Variants in PLS3 observed in about 807,000 individuals in gnomAD.
PLS3 encodes the protein plastin 3, also known as plastin-3.
In PLS3, 11 loss-of-function variants were observed where a neutral mutation model predicts 46.5. The ratio of observed to expected loss-of-function variants is 0.24; its 90% CI spans 0.15 to 0.39. PLS3 has a LOEUF of 0.39. Ranked by LOEUF, PLS3 falls within the 10% of genes least tolerant of loss-of-function variation. PLS3 has a pLI of 1.00. For synonymous variants in PLS3, 167 were observed against 162.2 expected, an observed-to-expected ratio of 1.03 and a Z score of -0.22; for missense variants, 308 against 461.8, an observed-to-expected ratio of 0.67 and a Z score of 3.05.
At position 115,626,949 on chromosome X, in the gene PLS3, A is replaced by G. The variant is rs996224126; in HGVS notation, c.238-2249A>G. ...CTGCAACCTCCATCTCCCGGGTTCA[A>G]GTGATTCTCATGCCTCAGCCTCCCA... On this transcript the variant is annotated intron_variant, in intron 3 of 15. Coordinates refer to ENST00000355899, the MANE Select transcript of PLS3 (RefSeq NM_005032.7). Among the ~76,000 whole-genome samples, 4 of 109,265 alleles carry G rather than the reference A, an allele frequency of 3.7e-5. No homozygotes were observed. In the Admixed American group the frequency reaches 4.0e-4, roughly 11 times the overall value. The allele number at this position is 109,265 out of a possible 115,157, so 94.9% of individuals were successfully genotyped here. A position where few individuals can be genotyped will look rare whatever the true frequency, so the allele number is the denominator to read the frequency against.
intron 1 of PLS3, among the ~76,000 whole-genome samples, chrX:115,579,025 C>T (rs1485214389): frequency 9.0e-6 from 1 of 111,249 alleles, no homozygotes; most frequent in African/African-American, 3.3e-5. Flanking sequence ...AGTAGAATCC[C>T]TTTTATTGTC....
chrX:115,616,766 T>C lies in PLS3; in HGVS notation c.74-5480T>C. Among the ~76,000 whole-genome samples the C allele has an allele frequency of 2.7e-5, 3 of 112,258 alleles. No individual in the cohort carries two copies. In the Middle Eastern group the frequency reaches 0.014, roughly 520 times the overall value. ...TGGGAGGTTTTGTAAAATTAATTGC[T>C]AGCTGCATTTTTAGGCTCCCTCTGC... On this transcript the variant is annotated intron_variant, in intron 2 of 15. Coordinates refer to ENST00000355899, the MANE Select transcript of PLS3 (RefSeq NM_005032.7).
At chrX:115,602,652 G>A (rs1350587425) in intron 1 of PLS3, among the ~76,000 whole-genome samples, 1 of 111,403 alleles carries the variant, frequency 9.0e-6, no homozygotes, top group Non-Finnish European at 1.9e-5. Context: ...TGGCTAACTT[G>A]TTTATTTTCA....
chrX:115,627,652 A>G lies in PLS3; in HGVS notation c.238-1546A>G, dbSNP rs185181229. ...CGTAAGCTCCATACTGTTGATACTT[A>G]GTGAAAGTCAGTATAATGGCCATAG... On this transcript the variant is annotated intron_variant, in intron 3 of 15. Coordinates refer to ENST00000355899, the MANE Select transcript of PLS3 (RefSeq NM_005032.7). Among the ~76,000 whole-genome samples the G allele has an allele frequency of 1.4e-3, 159 of 112,390 alleles. 1 individual carries two copies. The highest frequency in any genetic ancestry group is 2.3e-3 in the Non-Finnish European group (122 of 53,325).
intron 1 of PLS3, among the ~76,000 whole-genome samples, chrX:115,567,408 T>C (rs1466996001): frequency 1.8e-5 from 2 of 110,092 alleles, no homozygotes; most frequent in Admixed American, 2.0e-4. Flanking sequence ...CTAGCCAACA[T>C]GGTGAAACCC....
chrX:115,561,374 C>T (rs1445940446), intron 1 of PLS3, 114 bp downstream of exon 1: 7 of 110,537 alleles, frequency 6.3e-5, no homozygotes, highest in Non-Finnish European at 1.3e-4. Flanking sequence ...GTGCGGCGCA[C>T]CGTGGGGCGG....
chrX:115,644,898 C>T (rs1262617066), intron 10 of PLS3, 123 bp from the exon 11 acceptor site: 1 of 448,011 alleles, frequency 2.2e-6, no homozygotes, highest in Non-Finnish European at 3.8e-6. Flanking sequence ...CTTGGAAACT[C>T]GTATTATCGA....
At chrX:115,630,995 A>G (rs1479641816) in intron 5 of PLS3, among the ~76,000 whole-genome samples, 2 of 98,444 alleles carry the variant, frequency 2.0e-5, no homozygotes, top group African/African-American at 7.4e-5. Flanking sequence ...ATATGTATAT[A>G]TACGTATATA....
intron 3 of PLS3, among the ~76,000 whole-genome samples, chrX:115,628,781 G>T (rs2147531815): frequency 8.9e-6 from 1 of 111,984 alleles, no homozygotes; most frequent in Non-Finnish European, 1.9e-5. Flanking sequence ...CTGTAAAATA[G>T]TTTTTTGGTT....
At chrX:115,563,436 A>G (rs909512130) in intron 1 of PLS3, among the ~76,000 whole-genome samples, 22 of 111,398 alleles carry the variant, frequency 2.0e-4, no homozygotes, top group Admixed American at 1.1e-3. Context: ...AAGTGGCCCA[A>G]GTTAAGGTTG....
rs200120761 is a variant in PLS3 at position 115,589,155 on chromosome X, A to T, written c.-8-21088A>T. Among the ~76,000 whole-genome samples, 13 of 110,382 alleles carry T rather than the reference A, an allele frequency of 1.2e-4. No individual in the cohort carries two copies. The East Asian group carries it at 3.4e-3, about 29-fold the overall frequency. On this transcript the variant is annotated intron_variant, in intron 1 of 15. Coordinates refer to ENST00000355899, the MANE Select transcript of PLS3 (RefSeq NM_005032.7). Reference sequence around the variant, plus strand: ...GCTAATTTTTTTGTATTTTTTTTGTAAAGACAGGGTTTTGCCATGTTGCCC... The same window carrying T: ...GCTAATTTTTTTGTATTTTTTTTGTTAAGACAGGGTTTTGCCATGTTGCCC...
chrX:115,591,172 C>T (rs1434504138), intron 1 of PLS3, among the ~76,000 whole-genome samples: 1 of 112,650 alleles, frequency 8.9e-6, no homozygotes, highest in Non-Finnish European at 1.9e-5. Context: ...TCTTTATGTC[C>T]TACCTAGCAT....
chrX:115,626,222 C>A (rs1291712422), intron 3 of PLS3, among the ~76,000 whole-genome samples: 6 of 111,728 alleles, frequency 5.4e-5, no homozygotes, highest in Admixed American at 1.9e-4. Flanking sequence ...AAGTAAAATG[C>A]AAATTCTTGT....
chrX:115,646,404 A>G lies in PLS3; in HGVS notation c.1380A>G (p.Leu460=), dbSNP rs75219193. 130 of 1,207,387 alleles carry G rather than the reference A, an allele frequency of 1.1e-4. No individual in the cohort carries two copies. The African/African-American group carries it at 2.0e-3, about 19-fold the overall frequency. ...YPKLGANMKK[L]ENCNYAVELG... ...CATTTACTCTTGTGCCTTTGCAGCTAGAAAACTGCAACTATGCTGTTGAAT... is the reference window on the plus strand; with the variant it reads ...CATTTACTCTTGTGCCTTTGCAGCTGGAAAACTGCAACTATGCTGTTGAAT... Residue 460 remains leucine, a splice_region_variant and synonymous_variant, in exon 13 of 16, where the codon CTA becomes CTG. Transcript: ENST00000355899.
At chrX:115,581,671 T>G (rs2074280271) in intron 1 of PLS3, among the ~76,000 whole-genome samples, 1 of 112,083 alleles carries the variant, frequency 8.9e-6, no homozygotes, top group African/African-American at 3.2e-5. Flanking sequence ...TGATTCAGGG[T>G]GGCAGGCACA....
At chrX:115,617,694 AT>A (rs1263063499) in intron 2 of PLS3, among the ~76,000 whole-genome samples, 4 of 111,809 alleles carry the variant, frequency 3.6e-5, no homozygotes, top group Non-Finnish European at 7.5e-5. Context: ...TATTCCTCCA[AT>A]TTCCTTTAAA....
rs190951246 is a variant in PLS3 at position 115,598,428 on chromosome X, A to G, written c.-8-11815A>G. ...CCTAGACTTTTAGGACTAGGAACCT[A>G]TGACACACGTGAGGGCATTTAGGTT... On this transcript the variant is annotated intron_variant, in intron 1 of 15. Transcript: ENST00000355899. 1.8e-4 allele frequency among the ~76,000 whole-genome samples: 20 copies of G among 111,299 alleles called. No individual in the cohort carries two copies. In the East Asian group the frequency reaches 3.4e-3, roughly 19 times the overall value.
chrX:115,569,765 TTG>T (rs1239827182), intron 1 of PLS3, among the ~76,000 whole-genome samples: 5 of 111,416 alleles, frequency 4.5e-5, no homozygotes, highest in African/African-American at 1.3e-4. Flanking sequence ...AAAGACTTTA[TTG>T]GTCTGGGAAT....
intron 2 of PLS3, among the ~76,000 whole-genome samples, chrX:115,616,404 AC>A (rs200351283): frequency 1.7e-3 from 192 of 112,473 alleles, no homozygotes; most frequent in African/African-American, 5.7e-3. Context: ...CATAAGGAAA[AC>A]ATGACTCAAA....
Sources: gnomAD v4.1 joint callset for allele counts (sites outside exome capture counted in the v4.1 genomes callset) on GRCh38, gnomAD v4.1.1 for gene constraint, MANE v1.5 for transcripts, NCBI Gene and HGNC (gene_info 2026-07-23, HGNC 2026-07-21) for gene names.